The following XKR9 variants were observed in gnomAD, a reference collection of about 807,000 sequenced individuals.
The protein encoded by XKR9 is XK related 9.
A neutral mutation model predicts 32.0 loss-of-function variants in XKR9; 32 were observed. The observed-to-expected ratio is 1.00, with a 90% CI of 0.76 to 1.34. The LOEUF (loss-of-function observed/expected upper bound fraction) is 1.34. Ranked by LOEUF, XKR9 falls within the 40% of genes most tolerant of loss-of-function variation. The pLI, the probability that XKR9 is intolerant of heterozygous loss-of-function variation, is 0.00. For missense variants in XKR9, 546 were observed against 429.7 expected (o/e 1.27, Z -2.39); for synonymous variants, 168 against 143.4 (o/e 1.17, Z -1.22).
At chr8:70,896,866 T>G in the XKR9 span, among the ~76,000 whole-genome samples, 7 of 152,160 alleles carry the variant, frequency 4.6e-5, no homozygotes, top group Admixed American at 3.3e-4. Context: ...GCATTTATCC[T>G]TTATGTTACA....
chr8:70,908,615 A>C, the XKR9 span, among the ~76,000 whole-genome samples: 57 of 152,324 alleles, frequency 3.7e-4, 1 homozygote, highest in East Asian at 8.3e-3. Context: ...CTTTGTTGTT[A>C]CTATTCAATT....
chr8:71,026,993 T>G, the XKR9 span, among the ~76,000 whole-genome samples: 1 of 152,236 alleles, frequency 6.6e-6, no homozygotes, highest in Non-Finnish European at 1.5e-5. Flanking sequence ...CTTTAAAAAC[T>G]TAATTTAATT....
chr8:70,835,697 G>T, the XKR9 span, among the ~76,000 whole-genome samples: 4 of 151,966 alleles, frequency 2.6e-5, no homozygotes, highest in Non-Finnish European at 5.9e-5. Context: ...TAGTCTAAAT[G>T]TAAGTTAAGC....
chr8:70,726,659 A>G (rs1394753691), intron 4 of XKR9, among the ~76,000 whole-genome samples: 1 of 152,218 alleles, frequency 6.6e-6, no homozygotes, highest in African/African-American at 2.4e-5. Context: ...CAAGAGGTGG[A>G]AGTGGTCCAG....
downstream of XKR9, among the ~76,000 whole-genome samples, chr8:70,792,001 G>A (rs1807770169): frequency 6.6e-6 from 1 of 152,010 alleles, no homozygotes; most frequent in African/African-American, 2.4e-5. Context: ...GGGAGTCCCT[G>A]TTTTCACTGT....
chr8:70,851,523 C>A, the XKR9 span, among the ~76,000 whole-genome samples: 1 of 152,162 alleles, frequency 6.6e-6, no homozygotes, highest in Non-Finnish European at 1.5e-5. Context: ...CACTCCCTGA[C>A]TTCAAACTAT....
chr8:71,034,135 C>T, the XKR9 span, among the ~76,000 whole-genome samples: 1 of 152,154 alleles, frequency 6.6e-6, no homozygotes. Context: ...GGCTCTGTGT[C>T]TCCACCCAAA....
chr8:71,036,247 A>G, the XKR9 span, among the ~76,000 whole-genome samples: 1 of 152,194 alleles, frequency 6.6e-6, no homozygotes, highest in Non-Finnish European at 1.5e-5. Flanking sequence ...CCTCATAACC[A>G]TATTAATGAT....
At chr8:71,023,983 C>T in the XKR9 span, among the ~76,000 whole-genome samples, 69 of 152,186 alleles carry the variant, frequency 4.5e-4, no homozygotes, top group African/African-American at 1.6e-3. Context: ...TATACATATA[C>T]CCTTGGTAAC....
intron 2 of XKR9, among the ~76,000 whole-genome samples, chr8:70,678,887 G>A (rs1420190127): frequency 6.6e-6 from 1 of 152,196 alleles, no homozygotes; most frequent in African/African-American, 2.4e-5. Context: ...ATTCACCTTG[G>A]TGTGTTTAAA....
the XKR9 span, among the ~76,000 whole-genome samples, chr8:71,062,973 A>T: frequency 6.6e-6 from 1 of 152,034 alleles, no homozygotes; most frequent in Non-Finnish European, 1.5e-5. Context: ...ACTCCCAGGG[A>T]TAATTTGTGA....
chr8:70,738,668 T>C (rs1192919915), downstream of XKR9, among the ~76,000 whole-genome samples: 1 of 152,200 alleles, frequency 6.6e-6, no homozygotes, highest in Non-Finnish European at 1.5e-5. Context: ...TGGTATGTTG[T>C]GTCTTTGTTC....
intron 2 of XKR9, among the ~76,000 whole-genome samples, chr8:70,789,180 A>G (rs1424802012): frequency 6.6e-6 from 1 of 152,082 alleles, no homozygotes; most frequent in Non-Finnish European, 1.5e-5. Flanking sequence ...CTGAAGGGAA[A>G]TATCTATACT....
downstream of XKR9, among the ~76,000 whole-genome samples, chr8:70,739,392 G>A (rs571251963): frequency 5.0e-3 from 761 of 152,246 alleles, 1 homozygote; most frequent in Non-Finnish European, 9.2e-3. Context: ...CCTGAATACA[G>A]CACACTGATG....
the XKR9 span, among the ~76,000 whole-genome samples, chr8:71,061,704 A>G: frequency 6.6e-6 from 1 of 152,190 alleles, no homozygotes; most frequent in Non-Finnish European, 1.5e-5. Context: ...CAGCTGAGAT[A>G]TAGAGGCTAA....
chr8:70,726,113 TTC>T (rs1270799767), intron 4 of XKR9, among the ~76,000 whole-genome samples: 1 of 152,158 alleles, frequency 6.6e-6, no homozygotes, highest in Non-Finnish European at 1.5e-5. Context: ...GCAATATGAA[TTC>T]TGTTAATATT....
the XKR9 span, among the ~76,000 whole-genome samples, chr8:70,856,478 C>T: frequency 3.3e-5 from 5 of 151,588 alleles, no homozygotes; most frequent in Non-Finnish European, 7.4e-5. Context: ...TAAAGCAAGT[C>T]CTTAGAGACC....
chr8:70,904,504 C>T, the XKR9 span, among the ~76,000 whole-genome samples: 2 of 152,090 alleles, frequency 1.3e-5, no homozygotes, highest in Non-Finnish European at 2.9e-5. Flanking sequence ...TATTTTGAGC[C>T]TATTTGTATC....
the XKR9 span, among the ~76,000 whole-genome samples, chr8:70,920,480 G>A: frequency 6.6e-6 from 1 of 151,036 alleles, no homozygotes; most frequent in African/African-American, 2.4e-5. Flanking sequence ...AATATTTTTT[G>A]ATCATAAAAA....
Sources: allele counts gnomAD v4.1 joint callset (sites outside exome capture counted in the v4.1 genomes callset), GRCh38; gene constraint gnomAD v4.1.1; transcripts MANE v1.5; gene names NCBI Gene and HGNC (gene_info 2026-07-23, HGNC 2026-07-21).